Variants in PLCXD2 observed in about 807,000 individuals in gnomAD.
The protein encoded by PLCXD2 is phosphatidylinositol specific phospholipase C X domain containing 2, also known as PI-PLC X domain-containing protein 2.
PLCXD2 carries 21 observed loss-of-function variants against 28.6 expected under a neutral mutation model. The ratio of observed to expected loss-of-function variants is 0.73; its 90% CI spans 0.52 to 1.06. The LOEUF is 1.06. Ranked by LOEUF, PLCXD2 falls within the 50% of genes least tolerant of loss-of-function variation. The pLI is 0.00. For missense variants in PLCXD2, 369 were observed against 376.7 expected (o/e 0.98, Z 0.17); for synonymous variants, 140 against 150.1 (o/e 0.93, Z 0.49).
intron 1 of PLCXD2, among the ~76,000 whole-genome samples, chr3:111,699,950 T>C (rs1559794729): frequency 6.6e-6 from 1 of 152,178 alleles, no homozygotes; most frequent in Non-Finnish European, 1.5e-5. Context: ...ATTTGAAGGT[T>C]TGAAAGTACT....
chr3:111,677,537 C>A (rs1940643312), intron 1 of PLCXD2: 1 of 152,216 alleles, frequency 6.6e-6, no homozygotes. Context: ...GCATACATTA[C>A]CTCCAGTCCT....
chr3:111,704,877 A>C (rs1941095478), intron 1 of PLCXD2, among the ~76,000 whole-genome samples: 1 of 151,036 alleles, frequency 6.6e-6, no homozygotes, highest in Non-Finnish European at 1.5e-5. Context: ...CAGTGGCACC[A>C]TCTCAGCTCA....
intron 1 of PLCXD2, among the ~76,000 whole-genome samples, chr3:111,688,578 T>C (rs1247236177): frequency 2.0e-5 from 3 of 152,220 alleles, no homozygotes; most frequent in Non-Finnish European, 4.4e-5. Context: ...GTTAAGCCCA[T>C]GCCCATGTGA....
rs1941231980 is a variant in PLCXD2 at position 111,713,819 on chromosome 3, T to A, written c.625-68T>A. 2.0e-6 allele frequency: 3 copies of A among 1,536,172 alleles called. No homozygotes were observed. In the African/African-American group the frequency reaches 4.1e-5, roughly 21 times the overall value. On this transcript the variant is annotated intron_variant, in intron 2 of 4. Transcript: ENST00000477665. Reference sequence around the variant, plus strand: ...CTTGCCTTTTTCCTAGCAGTCCGTATAAAACGGAGGAGTTAACATTCAGCA... The same window carrying A: ...CTTGCCTTTTTCCTAGCAGTCCGTAAAAAACGGAGGAGTTAACATTCAGCA...
In PLCXD2 at chr3:111,675,161, C is replaced by G; in HGVS notation, c.-85C>G. ...GAAAGACTGGCGTGGCAAGCGTCGCCCTGAAACGTCCACAGAGCCCAAGAA... is the reference window on the plus strand; with the variant it reads ...GAAAGACTGGCGTGGCAAGCGTCGCGCTGAAACGTCCACAGAGCCCAAGAA... On this transcript the variant is annotated 5_prime_UTR_variant, in exon 1 of 5. Transcript: ENST00000477665. 6.7e-7 allele frequency: 1 copy of G among 1,502,476 alleles called. No individual in the cohort carries two copies. Among genetic ancestry groups the G allele is most frequent in the Non-Finnish European group, 9.0e-7 (1 of 1,108,820 alleles). The allele number at this position is 1,502,476 out of a possible 1,614,324, so 93.1% of individuals were successfully genotyped here. A position where few individuals can be genotyped will look rare whatever the true frequency, so the allele number is the denominator to read the frequency against.
chr3:111,717,596 C>G (rs1941284948), intron 3 of PLCXD2, among the ~76,000 whole-genome samples: 1 of 152,156 alleles, frequency 6.6e-6, no homozygotes, highest in Admixed American at 6.5e-5. Flanking sequence ...CACTGGAAAC[C>G]ACAGGTACAT....
chr3:111,680,955 TA>T (rs200073189), intron 1 of PLCXD2, among the ~76,000 whole-genome samples: 2,484 of 152,246 alleles, frequency 0.016, 72 homozygotes, highest in African/African-American at 0.055. Context: ...ATGTATCGTT[TA>T]AAAAAATCAA....
intron 1 of PLCXD2, among the ~76,000 whole-genome samples, chr3:111,700,783 G>A (rs765317033): frequency 1.3e-5 from 2 of 152,084 alleles, no homozygotes; most frequent in African/African-American, 2.4e-5. Flanking sequence ...GGATGATCTT[G>A]GATATAACTG....
chr3:111,678,258 A>G (rs1465246323), intron 1 of PLCXD2, among the ~76,000 whole-genome samples: 1 of 152,256 alleles, frequency 6.6e-6, no homozygotes, highest in African/African-American at 2.4e-5. Flanking sequence ...TTAATGGCCA[A>G]TACCACCAAA....
At chr3:111,695,610 A>G (rs1471815526) in intron 1 of PLCXD2, among the ~76,000 whole-genome samples, 1 of 152,254 alleles carries the variant, frequency 6.6e-6, no homozygotes, top group Non-Finnish European at 1.5e-5. Flanking sequence ...TGTAGAAAAC[A>G]TACAGAAAAA....
intron 3 of PLCXD2, among the ~76,000 whole-genome samples, chr3:111,715,743 A>C (rs1265190890): frequency 1.3e-5 from 2 of 152,164 alleles, no homozygotes; most frequent in Non-Finnish European, 2.9e-5. Context: ...AAAGTCAAGA[A>C]TACCTCTCAG....
At chr3:111,703,136 A>G (rs1941069536) in intron 1 of PLCXD2, among the ~76,000 whole-genome samples, 1 of 152,222 alleles carries the variant, frequency 6.6e-6, no homozygotes, top group Non-Finnish European at 1.5e-5. Context: ...CTATAGGCCT[A>G]TATAGGGCAA....
intron 1 of PLCXD2, among the ~76,000 whole-genome samples, chr3:111,707,485 G>A (rs1280418205): frequency 6.6e-6 from 1 of 152,114 alleles, no homozygotes; most frequent in Non-Finnish European, 1.5e-5. Context: ...TTCTATAAGA[G>A]ACACTTAAGC....
intron 1 of PLCXD2, among the ~76,000 whole-genome samples, chr3:111,689,781 A>C (rs556975946): frequency 2.0e-5 from 3 of 152,324 alleles, no homozygotes; most frequent in African/African-American, 7.2e-5. Flanking sequence ...AAAAATCTAT[A>C]TTTCTAGTTA....
chr3:111,707,011 G>A (rs1353328361), intron 1 of PLCXD2, among the ~76,000 whole-genome samples: 1 of 152,198 alleles, frequency 6.6e-6, no homozygotes, highest in African/African-American at 2.4e-5. Context: ...GCATTGGACA[G>A]ATGGATTATC....
intron 2 of PLCXD2, among the ~76,000 whole-genome samples, chr3:111,710,836 T>C (rs1214979415): frequency 2.0e-5 from 3 of 152,206 alleles, no homozygotes; most frequent in Non-Finnish European, 1.5e-5. Flanking sequence ...GTTGACATAT[T>C]GCATACTAAA....
intron 1 of PLCXD2, among the ~76,000 whole-genome samples, chr3:111,693,399 T>G (rs191990753): frequency 2.5e-4 from 38 of 152,334 alleles, no homozygotes; most frequent in Admixed American, 5.9e-4. Flanking sequence ...TCTACACTAG[T>G]GCAGTGCTAT....
At chr3:111,702,719 G>A (rs1941060778) in intron 1 of PLCXD2, among the ~76,000 whole-genome samples, 1 of 152,172 alleles carries the variant, frequency 6.6e-6, no homozygotes, top group African/African-American at 2.4e-5. Flanking sequence ...ATAAGGCAAG[G>A]ATCAGTGGTG....
intron 2 of PLCXD2, among the ~76,000 whole-genome samples, chr3:111,712,284 C>T (rs1447200238): frequency 6.6e-6 from 1 of 152,124 alleles, no homozygotes; most frequent in Non-Finnish European, 1.5e-5. Context: ...ACAGTCCTCT[C>T]GTTCCCTGAA....
Sources: gnomAD v4.1 joint callset for allele counts (sites outside exome capture counted in the v4.1 genomes callset) on GRCh38, gnomAD v4.1.1 for gene constraint, MANE v1.5 for transcripts, NCBI Gene and HGNC (gene_info 2026-07-23, HGNC 2026-07-21) for gene names.